Variants in CUL3 observed in about 807,000 individuals in gnomAD.
The protein encoded by CUL3 is cullin 3, also known as cullin-3.
Under a neutral mutation model 89.1 loss-of-function variants are expected in CUL3, and 19 were observed. The observed-to-expected ratio is 0.21, with a 90% confidence interval of 0.15 to 0.31. CUL3 has a LOEUF of 0.31. Among genes scored for constraint, CUL3 ranks in the 10% least tolerant of loss-of-function variants. The pLI is 1.00. For synonymous variants in CUL3, 351 were observed against 308.4 expected (o/e 1.14, Z -1.45); for missense variants, 469 against 942.3 (o/e 0.50, Z 6.58).
intron 7 of CUL3, among the ~76,000 whole-genome samples, 156 bp downstream of exon 7, chr2:224,506,702 A>C (rs1488189750): frequency 6.6e-6 from 1 of 152,228 alleles, no homozygotes; most frequent in Non-Finnish European, 1.5e-5. Flanking sequence ...CACACCTTGC[A>C]AAATCCTAAA....
At chr2:224,511,755 T>C (rs1431033169) in intron 5 of CUL3, among the ~76,000 whole-genome samples, 173 bp from the exon 6 acceptor site, 2 of 152,210 alleles carry the variant, frequency 1.3e-5, no homozygotes, top group African/African-American at 2.4e-5. Context: ...TTATATCCTT[T>C]AAAGCCTTTG....
At position 224,559,808 on chromosome 2, in the gene CUL3, A is replaced by G. The variant is rs551292328; in HGVS notation, c.67-1952T>C. ...CTCCTTGAAACAAATTTGGCAAGGC[A>G]TGGTGCCTCACACCCATAATCCCAG... On this transcript the variant is annotated intron_variant, in intron 1 of 15. Coordinates refer to ENST00000264414, the MANE Select transcript of CUL3 (RefSeq NM_003590.5). 8.7e-4 allele frequency among the ~76,000 whole-genome samples: 133 copies of G among 152,328 alleles called. 1 individual carries two copies. The highest frequency in any genetic ancestry group is 1.4e-3 in the Non-Finnish European group (96 of 68,030).
chr2:224,584,189 C>A (rs1331370440), intron 1 of CUL3, among the ~76,000 whole-genome samples: 2 of 152,094 alleles, frequency 1.3e-5, no homozygotes, highest in Non-Finnish European at 2.9e-5. Flanking sequence ...AGCGATGAAA[C>A]AAAGCTACTC....
chr2:224,507,403 G>A (rs1041865821), intron 6 of CUL3, among the ~76,000 whole-genome samples: 1 of 151,982 alleles, frequency 6.6e-6, no homozygotes, highest in African/African-American at 2.4e-5. Flanking sequence ...TCTACAAAAA[G>A]GGTCACTAAT....
chr2:224,527,020 T>A (rs1016622739), intron 3 of CUL3, among the ~76,000 whole-genome samples: 3 of 152,212 alleles, frequency 2.0e-5, no homozygotes, highest in Non-Finnish European at 2.9e-5. Flanking sequence ...TAAGGCCTAG[T>A]ATGTGACTTC....
intron 14 of CUL3, among the ~76,000 whole-genome samples, chr2:224,481,397 C>G (rs2106150115): frequency 9.8e-6 from 1 of 101,624 alleles, no homozygotes; most frequent in East Asian, 3.6e-4. Flanking sequence ...TTATATGGCT[C>G]TATTAAAAAT....
At chr2:224,584,793 G>T in intron 1 of CUL3, 151 bp downstream of exon 1, 1 of 320,760 alleles carries the variant, frequency 3.1e-6, no homozygotes, top group South Asian at 1.2e-4. Context: ...GCGCCGCCCG[G>T]TTGCCGGGAA....
At chr2:224,501,351 T>C (rs1273698022) in intron 10 of CUL3, among the ~76,000 whole-genome samples, 1 of 152,218 alleles carries the variant, frequency 6.6e-6, no homozygotes, top group Non-Finnish European at 1.5e-5. Context: ...TCTACAAATA[T>C]CTGTACAATG....
chr2:224,562,950 C>T (rs1644075820), intron 1 of CUL3: 1 of 185,576 alleles, frequency 5.4e-6, no homozygotes, highest in Admixed American at 6.3e-5. Flanking sequence ...TCAATAACAG[C>T]ATCTATCTCA....
intron 3 of CUL3, among the ~76,000 whole-genome samples, chr2:224,531,417 T>A (rs759716993): frequency 5.5e-5 from 8 of 146,662 alleles, no homozygotes; most frequent in East Asian, 2.0e-4. Flanking sequence ...TAAGCATTTT[T>A]AAAAAGTGTA....
chr2:224,495,659 A>T, intron 13 of CUL3, 173 bp downstream of exon 13: 1 of 462,884 alleles, frequency 2.2e-6, no homozygotes, highest in Non-Finnish European at 3.8e-6. Context: ...TTTAAAAATA[A>T]GACATAACTC....
At chr2:224,475,157 A>ACAGGCGCCCACCACCACACC (rs1207011486) in intron 15 of CUL3, among the ~76,000 whole-genome samples, 3 of 152,062 alleles carry the variant, frequency 2.0e-5, no homozygotes, top group African/African-American at 7.2e-5. Flanking sequence ...AGCTGGGACT[A>ACAGGCGCCCACCACCACACC]CAGGCGCCCA....
intron 1 of CUL3, among the ~76,000 whole-genome samples, chr2:224,572,058 GA>G (rs760847389): frequency 3.3e-5 from 5 of 152,148 alleles, no homozygotes; most frequent in Non-Finnish European, 7.4e-5. Flanking sequence ...TCAATACTGA[GA>G]AATCATTTTA....
intron 14 of CUL3, chr2:224,479,170 GC>G (rs1356096268): frequency 6.6e-6 from 1 of 152,342 alleles, no homozygotes; most frequent in East Asian, 1.9e-4. Context: ...CCGTAAAATT[GC>G]AAAGCAGCAC....
At chr2:224,483,623 T>C (rs1309019184) in intron 13 of CUL3, among the ~76,000 whole-genome samples, 6 of 152,222 alleles carry the variant, frequency 3.9e-5, no homozygotes, top group Admixed American at 3.9e-4. Flanking sequence ...TGCATATACA[T>C]GAACGTACAC....
rs1405562638 is a variant in CUL3 at position 224,471,205 on chromosome 2, T to C, written c.*3040A>G. 4.7e-6 allele frequency: 1 copy of C among 211,810 alleles called. No homozygotes were observed. Among genetic ancestry groups the C allele is most frequent in the East Asian group, 7.2e-5 (1 of 13,910 alleles). The allele number at this position is 211,810 out of a possible 1,614,324, so 13.1% of individuals were successfully genotyped here. The stretch of plus-strand genomic sequence containing the variant: ...ATATAGTAAAATACATGACCTACAA[T>C]TGATATGCAACAGCTTTCCTTCCAA... On this transcript the variant is annotated 3_prime_UTR_variant, in exon 16 of 16. Transcript: ENST00000264414.
intron 3 of CUL3, among the ~76,000 whole-genome samples, chr2:224,525,506 ATC>A (rs1693437710): frequency 1.3e-5 from 2 of 152,144 alleles, no homozygotes; most frequent in Non-Finnish European, 2.9e-5. Context: ...AATAAATGAT[ATC>A]TGTTGTTATG....
intron 10 of CUL3, 105 bp downstream of exon 10, chr2:224,502,860 A>G (rs1692443927): frequency 1.3e-6 from 1 of 746,202 alleles, no homozygotes; most frequent in Admixed American, 2.4e-5. Context: ...TGTTGTCACT[A>G]ATGACATTTA....
At chr2:224,568,690 A>T (rs190732468) in intron 1 of CUL3, among the ~76,000 whole-genome samples, 1 of 152,368 alleles carries the variant, frequency 6.6e-6, no homozygotes, top group African/African-American at 2.4e-5. Context: ...AAGGCTGCTT[A>T]ATCATTAATT....
Sources: gnomAD v4.1 joint callset for allele counts (sites outside exome capture counted in the v4.1 genomes callset) on GRCh38, gnomAD v4.1.1 for gene constraint, MANE v1.5 for transcripts, NCBI Gene and HGNC (gene_info 2026-07-23, HGNC 2026-07-21) for gene names.